The following GALNT2 variants were observed in gnomAD, a reference collection of about 807,000 sequenced individuals.
GALNT2 encodes the protein polypeptide N-acetylgalactosaminyltransferase 2.
GALNT2 carries 31 observed loss-of-function variants against 81.4 expected under a neutral mutation model. The observed-to-expected ratio is 0.38, with a 90% CI of 0.29 to 0.51. The LOEUF (loss-of-function observed/expected upper bound fraction) is 0.51. GALNT2 is among the 20% of genes least tolerant of loss of function. The probability of loss-of-function intolerance (pLI) is 0.87; values close to 1 mark genes in which losing one functional copy is unlikely to be tolerated. For synonymous variants in GALNT2, 303 were observed against 287.4 expected (o/e 1.05, Z -0.55); for missense variants, 629 against 765.7 (o/e 0.82, Z 2.11).
chr1:230,110,449 G>A (rs548565892), intron 1 of GALNT2, among the ~76,000 whole-genome samples: 2 of 152,316 alleles, frequency 1.3e-5, no homozygotes, highest in Admixed American at 6.5e-5. Flanking sequence ...AAGCATGGCC[G>A]CTTGGGGTTG....
At chr1:230,227,985 T>G (rs921623053) in intron 3 of GALNT2, among the ~76,000 whole-genome samples, 1 of 152,074 alleles carries the variant, frequency 6.6e-6, no homozygotes, top group Non-Finnish European at 1.5e-5. Flanking sequence ...AAACTGACTA[T>G]CAGAACAAAT....
intron 10 of GALNT2, among the ~76,000 whole-genome samples, chr1:230,252,152 C>T (rs561997097): frequency 6.6e-5 from 10 of 152,264 alleles, no homozygotes; most frequent in African/African-American, 2.4e-4. Context: ...AAGGCCATGC[C>T]GTGAGCCTTT....
At chr1:230,138,567 A>G (rs1000434204) in intron 1 of GALNT2, among the ~76,000 whole-genome samples, 5 of 150,350 alleles carry the variant, frequency 3.3e-5, no homozygotes, top group African/African-American at 7.3e-5. Flanking sequence ...AAGAATGGCC[A>G]CTCCATAGGC....
intron 1 of GALNT2, among the ~76,000 whole-genome samples, chr1:230,095,792 A>G (rs570756961): frequency 1.3e-5 from 2 of 152,206 alleles, no homozygotes; most frequent in Admixed American, 6.5e-5. Context: ...CTGGGGCCCA[A>G]CTGCCATGCT....
chr1:230,279,703 C>T lies in GALNT2; in HGVS notation c.*245C>T, dbSNP rs935797928. 2.7e-5 allele frequency: 15 copies of T among 558,738 alleles called. No individual in the cohort carries two copies. Among genetic ancestry groups the T allele is most frequent in the Middle Eastern group, 4.8e-4 (1 of 2,062 alleles). The allele number at this position is 558,738 out of a possible 1,614,324, so 34.6% of individuals were successfully genotyped here. ...CCGGGCCCCCTTCCCCAGGCCGGAG[C>T]GCCCCTCTTCCTTCCAGCTTTCACT... On this transcript the variant is annotated 3_prime_UTR_variant, in exon 16 of 16. Transcript: ENST00000366672. The surrounding 1 kb of genome is among the most constrained non-coding windows in gnomAD (Gnocchi z 4.6).
intron 1 of GALNT2, among the ~76,000 whole-genome samples, chr1:230,076,950 G>C (rs1659581583): frequency 6.6e-6 from 1 of 152,178 alleles, no homozygotes; most frequent in Admixed American, 6.5e-5. Flanking sequence ...CTGACAGGCT[G>C]CTGCCCTAGA....
At chr1:230,170,337 G>A (rs568864807) in intron 1 of GALNT2, among the ~76,000 whole-genome samples, 4 of 152,294 alleles carry the variant, frequency 2.6e-5, no homozygotes, top group Admixed American at 6.5e-5. Flanking sequence ...CCTGTCTCTG[G>A]TCTCTAGGGT....
chr1:230,263,089 G>A, intron 13 of GALNT2, 84 bp downstream of exon 13: 1 of 1,163,896 alleles, frequency 8.6e-7, no homozygotes, highest in Non-Finnish European at 1.3e-6. Context: ...GGAAATGGAG[G>A]TGGGGCTGCA....
chr1:230,153,490 G>T (rs1662152774), intron 1 of GALNT2, among the ~76,000 whole-genome samples: 1 of 152,152 alleles, frequency 6.6e-6, no homozygotes, highest in South Asian at 2.1e-4. Flanking sequence ...TAGAGAAAAA[G>T]AAAAAACACC....
intron 1 of GALNT2, among the ~76,000 whole-genome samples, chr1:230,151,490 T>A (rs1190031466): frequency 1.3e-5 from 2 of 152,204 alleles, no homozygotes; most frequent in East Asian, 3.9e-4. Context: ...ACAGTGCTGT[T>A]TCCTGAAGAA....
chr1:230,248,322 G>A lies in GALNT2; in HGVS notation c.818-862G>A, dbSNP rs141784576. ...AGCTTAAGAGGATTGAAAGATGCAT[G>A]CCCTAGAGTCATTAGGTTTTGCTGT... is the stretch of plus-strand genomic sequence containing the variant. On this transcript the variant is annotated intron_variant, in intron 8 of 15. Coordinates refer to ENST00000366672, the MANE Select transcript of GALNT2 (RefSeq NM_004481.5). Among the ~76,000 whole-genome samples, 268 of 152,338 alleles carry A rather than the reference G, an allele frequency of 1.8e-3. 1 individual carries two copies. The highest frequency in any genetic ancestry group is 6.3e-3 in the African/African-American group (260 of 41,572).
At chr1:230,062,099 C>T (rs969585995) in intron 1 of GALNT2, among the ~76,000 whole-genome samples, 27 of 151,920 alleles carry the variant, frequency 1.8e-4, no homozygotes, top group South Asian at 6.2e-4. Context: ...GATTTTTTAC[C>T]GGTTTGATGG....
rs756971127 is a variant in GALNT2 at position 230,255,311 on chromosome 1, C to T, written c.1103C>T (p.Thr368Met). ...GHVFRKQHPY[T>M]FPGGSGTVFA... ...GTGTTCCGGAAGCAGCACCCCTACACGTTCCCGGGTGGCAGTGGCACTGTC... is the reference window on the plus strand; with the variant it reads ...GTGTTCCGGAAGCAGCACCCCTACATGTTCCCGGGTGGCAGTGGCACTGTC... The change falls in exon 11 of 16, where the codon ACG becomes ATG. Residue 368 changes from threonine to methionine, a missense_variant. Thr to Met is a moderately conservative substitution (Grantham distance 81). Coordinates refer to ENST00000366672, the MANE Select transcript of GALNT2 (RefSeq NM_004481.5). 16 of 1,614,082 alleles carry T rather than the reference C, an allele frequency of 9.9e-6. No individual in the cohort carries two copies. Among genetic ancestry groups the T allele is most frequent in the South Asian group, 2.2e-5 (2 of 91,078 alleles).
intron 3 of GALNT2, among the ~76,000 whole-genome samples, chr1:230,207,340 G>A (rs905285709): frequency 2.0e-5 from 3 of 152,058 alleles, no homozygotes; most frequent in Admixed American, 6.5e-5. Context: ...GGAAAACTGC[G>A]ATTATAATCC....
intron 1 of GALNT2, among the ~76,000 whole-genome samples, chr1:230,164,728 C>A (rs111958556): frequency 0.024 from 3,623 of 152,160 alleles, 54 homozygotes; most frequent in Middle Eastern, 0.037. Flanking sequence ...AGAGAGGTTT[C>A]ACCATGCTAG....
At chr1:230,192,255 T>C (rs952040868) in intron 2 of GALNT2, among the ~76,000 whole-genome samples, 1 of 152,248 alleles carries the variant, frequency 6.6e-6, no homozygotes, top group Non-Finnish European at 1.5e-5. Flanking sequence ...TGTGGTTCCA[T>C]CGTCTTACAG....
At chr1:230,061,101 A>T (rs1479749747) in intron 1 of GALNT2, among the ~76,000 whole-genome samples, 1 of 152,092 alleles carries the variant, frequency 6.6e-6, no homozygotes, top group East Asian at 1.9e-4. Flanking sequence ...GCTCATTGCT[A>T]CTGGGATATT....
At position 230,116,979 on chromosome 1, in the gene GALNT2, A is replaced by G. The variant is rs117592626; in HGVS notation, c.126+49573A>G. Among the ~76,000 whole-genome samples the G allele has an allele frequency of 3.9e-4, 59 of 152,316 alleles. 1 individual carries two copies. In the East Asian group the frequency reaches 8.7e-3, roughly 22 times the overall value. On this transcript the variant is annotated intron_variant, in intron 1 of 15. Coordinates refer to ENST00000366672, the MANE Select transcript of GALNT2 (RefSeq NM_004481.5). ...AAGCATTGGCATCTCCTCCCTAGCA[A>G]TGATAGTCCTAGATGGCATCTTCTT...
intron 3 of GALNT2, among the ~76,000 whole-genome samples, chr1:230,219,125 C>T (rs567837495): frequency 6.6e-6 from 1 of 152,200 alleles, no homozygotes; most frequent in Non-Finnish European, 1.5e-5. Context: ...GGTTGGGGAC[C>T]GCTGGCTTAA....
Sources: gnomAD v4.1 joint callset for allele counts (sites outside exome capture counted in the v4.1 genomes callset) on GRCh38, gnomAD v4.1.1 for gene constraint, Gnocchi (gnomAD v3.1) non-coding constraint, MANE v1.5 for transcripts, NCBI Gene and HGNC (gene_info 2026-07-23, HGNC 2026-07-21) for gene names.